Variants in SLC35F1 observed in about 807,000 individuals in gnomAD.
SLC35F1 encodes the protein solute carrier family 35 member F1, also known as chromosome 6 open reading frame 169.
A neutral mutation model predicts 48.7 loss-of-function variants in SLC35F1; 14 were observed. That is an observed-to-expected ratio of 0.29 (90% CI 0.19 to 0.45). The LOEUF (loss-of-function observed/expected upper bound fraction) is 0.45. SLC35F1 is among the 20% of genes least tolerant of loss of function. SLC35F1 has a pLI of 1.00. For missense variants in SLC35F1, 404 were observed against 500.0 expected, an observed-to-expected ratio of 0.81 and a Z score of 1.83; for synonymous variants, 190 against 202.2, an observed-to-expected ratio of 0.94 and a Z score of 0.51.
At chr6:117,938,863 C>T (rs9401037) in intron 1 of SLC35F1, among the ~76,000 whole-genome samples, 84,462 of 150,210 alleles carry the variant, frequency 0.56, 27,689 homozygotes, top group South Asian at 0.81. Flanking sequence ...CCCTCAGGCC[C>T]CTGGCTTGCT....
intron 1 of SLC35F1, among the ~76,000 whole-genome samples, chr6:118,003,366 A>C (rs1344186019): frequency 6.6e-6 from 1 of 152,226 alleles, no homozygotes; most frequent in African/African-American, 2.4e-5. Context: ...CCAGGATAAC[A>C]TCATGGAATG....
At chr6:117,957,900 C>G (rs1048323834) in intron 1 of SLC35F1, among the ~76,000 whole-genome samples, 6 of 152,074 alleles carry the variant, frequency 3.9e-5, no homozygotes, top group Admixed American at 6.5e-5. Flanking sequence ...TTATTTTAGA[C>G]GGTACTCCTA....
At chr6:118,017,789 G>A (rs1052150197) in intron 1 of SLC35F1, among the ~76,000 whole-genome samples, 2 of 152,080 alleles carry the variant, frequency 1.3e-5, no homozygotes, top group African/African-American at 4.8e-5. Context: ...GCCTTTTTTT[G>A]TAGAATAGTT....
chr6:117,974,262 A>G (rs1776679545), intron 1 of SLC35F1, among the ~76,000 whole-genome samples: 1 of 152,240 alleles, frequency 6.6e-6, no homozygotes, highest in South Asian at 2.1e-4. Context: ...ATTTAGGAGC[A>G]GGGCATATAT....
Position 118,105,037 on chromosome 6 carries a change from C to T in SLC35F1, c.174-49408C>T, listed in dbSNP as rs903680287. 1.1e-4 allele frequency among the ~76,000 whole-genome samples: 16 copies of T among 152,194 alleles called. 1 individual carries two copies. Among genetic ancestry groups the T allele is most frequent in the Admixed American group, 1.0e-3 (16 of 15,276 alleles). Reference sequence around the variant, plus strand: ...TGCATCTGGGTTTCTCTTGAAGACACCATTTTCTTTTAGTCTTCTCAAAAA... The same window carrying T: ...TGCATCTGGGTTTCTCTTGAAGACATCATTTTCTTTTAGTCTTCTCAAAAA... On this transcript the variant is annotated intron_variant, in intron 1 of 7. Transcript: ENST00000360388.
intron 2 of SLC35F1, among the ~76,000 whole-genome samples, chr6:118,221,509 T>G (rs1775150520): frequency 6.6e-6 from 1 of 152,100 alleles, no homozygotes; most frequent in Non-Finnish European, 1.5e-5. Context: ...TAATACTACC[T>G]ATAACTCAAG....
intron 1 of SLC35F1, among the ~76,000 whole-genome samples, chr6:118,119,278 G>A (rs1251312697): frequency 6.6e-6 from 1 of 152,114 alleles, no homozygotes; most frequent in Non-Finnish European, 1.5e-5. Context: ...CTAAAGAGAT[G>A]TATATATTAT....
intron 1 of SLC35F1, among the ~76,000 whole-genome samples, chr6:118,006,777 T>C (rs1777179031): frequency 6.6e-6 from 1 of 152,106 alleles, no homozygotes; most frequent in Non-Finnish European, 1.5e-5. Flanking sequence ...AAAGTAAATG[T>C]CCTTCCATAC....
At chr6:117,947,698 G>T (rs753681386) in intron 1 of SLC35F1, among the ~76,000 whole-genome samples, 6 of 152,188 alleles carry the variant, frequency 3.9e-5, no homozygotes, top group Non-Finnish European at 7.3e-5. Context: ...CATCAATTAT[G>T]ATAGGGAGGG....
intron 1 of SLC35F1, among the ~76,000 whole-genome samples, chr6:117,956,153 T>G (rs1016829211): frequency 5.3e-5 from 8 of 152,216 alleles, no homozygotes; most frequent in Non-Finnish European, 1.0e-4. Context: ...ACATGTCTTT[T>G]CTGCAGTTGT....
intron 1 of SLC35F1, among the ~76,000 whole-genome samples, chr6:118,064,796 G>C (rs550469393): frequency 1.3e-5 from 2 of 152,110 alleles, no homozygotes; most frequent in Non-Finnish European, 2.9e-5. Flanking sequence ...CTGTGGTCAT[G>C]CCTTTTCTCT....
At chr6:118,067,919 G>A (rs567585194) in intron 1 of SLC35F1, among the ~76,000 whole-genome samples, 26 of 152,156 alleles carry the variant, frequency 1.7e-4, no homozygotes, top group Non-Finnish European at 1.5e-5. Flanking sequence ...GCTTTCTATA[G>A]CTGCTGTAAA....
rs548957204 is a variant in SLC35F1 at position 117,966,052 on chromosome 6, C to T, written c.173+58153C>T. Among the ~76,000 whole-genome samples, 46 of 150,350 alleles carry T rather than the reference C, an allele frequency of 3.1e-4. 1 individual carries two copies. In the South Asian group the frequency reaches 9.0e-3, roughly 29 times the overall value. On this transcript the variant is annotated intron_variant, in intron 1 of 7. Transcript: ENST00000360388. ...CAGGCCAATCAGCACTCTGTAAAAC[C>T]GACCAATCAGCTCTCTGTAAAATGG...
intron 3 of SLC35F1, among the ~76,000 whole-genome samples, chr6:118,240,744 T>C (rs1433351365): frequency 6.6e-6 from 1 of 152,104 alleles, no homozygotes; most frequent in African/African-American, 2.4e-5. Flanking sequence ...AGTAGATTAG[T>C]TGGAAGGGAA....
intron 2 of SLC35F1, among the ~76,000 whole-genome samples, chr6:118,192,389 G>A (rs563627016): frequency 8.0e-4 from 121 of 152,192 alleles, no homozygotes; most frequent in African/African-American, 2.7e-3. Context: ...CCCATGATAC[G>A]ATTTTAAAGT....
intron 1 of SLC35F1, among the ~76,000 whole-genome samples, chr6:118,067,028 A>G (rs1772626158): frequency 6.6e-6 from 1 of 152,158 alleles, no homozygotes; most frequent in African/African-American, 2.4e-5. Flanking sequence ...GAAACACTGA[A>G]CTAGGGCTGC....
At chr6:118,220,682 C>A (rs1775135131) in intron 2 of SLC35F1, among the ~76,000 whole-genome samples, 2 of 152,278 alleles carry the variant, frequency 1.3e-5, no homozygotes, top group South Asian at 4.1e-4. Context: ...TCAAAGCTCC[C>A]AGAGTGGTTA....
At chr6:118,280,571 G>A (rs1775968880) in intron 6 of SLC35F1, among the ~76,000 whole-genome samples, 1 of 152,106 alleles carries the variant, frequency 6.6e-6, no homozygotes, top group Non-Finnish European at 1.5e-5. Context: ...AAGACCTAAA[G>A]GATAATTAAG....
rs1775932109 is a variant in SLC35F1 at position 118,277,478 on chromosome 6, T to G, written c.795-16T>G. 6.2e-7 allele frequency: 1 copy of G among 1,613,102 alleles called. No individual in the cohort carries two copies. Among genetic ancestry groups the G allele is most frequent in the Non-Finnish European group, 8.5e-7 (1 of 1,179,156 alleles). On this transcript the variant is annotated splice_polypyrimidine_tract_variant and intron_variant, in intron 5 of 7. Transcript: ENST00000360388. Reference sequence around the variant, plus strand: ...TCTAATCTTGCTCATCAGGTTCATTTCCTTTGAATTTGCAGAGCTATAATG... The same window carrying G: ...TCTAATCTTGCTCATCAGGTTCATTGCCTTTGAATTTGCAGAGCTATAATG...
Sources: allele counts gnomAD v4.1 joint callset (sites outside exome capture counted in the v4.1 genomes callset), GRCh38; gene constraint gnomAD v4.1.1; transcripts MANE v1.5; gene names NCBI Gene and HGNC (gene_info 2026-07-23, HGNC 2026-07-21).